GPM6A: variants seen among roughly 807,000 people sequenced by gnomAD.
The protein encoded by GPM6A is glycoprotein M6A.
Under a neutral mutation model 32.1 loss-of-function variants are expected in GPM6A, and 7 were observed. The ratio of observed to expected loss-of-function variants is 0.22; its 90% CI spans 0.12 to 0.41. The LOEUF is 0.41. Ranked by LOEUF, GPM6A falls within the 10% of genes least tolerant of loss-of-function variation. GPM6A has a pLI of 1.00. For missense variants in GPM6A, 235 were observed against 347.2 expected (o/e 0.68, Z 2.57); for synonymous variants, 130 against 123.4 (o/e 1.05, Z -0.35).
chr4:175,992,113 A>G (rs956954228), intron 1 of GPM6A, among the ~76,000 whole-genome samples: 1 of 151,358 alleles, frequency 6.6e-6, no homozygotes, highest in Admixed American at 6.6e-5. Flanking sequence ...TAGCAATCTA[A>G]AAGTTTAGAG....
At chr4:175,716,197 C>T (rs1745832876) in intron 1 of GPM6A, among the ~76,000 whole-genome samples, 1 of 152,184 alleles carries the variant, frequency 6.6e-6, no homozygotes, top group African/African-American at 2.4e-5. Context: ...CAACAACCAA[C>T]TAAGACAGAT....
chr4:175,968,918 T>C (rs1389294052), intron 1 of GPM6A, among the ~76,000 whole-genome samples: 2 of 152,236 alleles, frequency 1.3e-5, no homozygotes, highest in Admixed American at 6.5e-5. Flanking sequence ...TGATTCTAGG[T>C]ATTTACCTAC....
intron 1 of GPM6A, among the ~76,000 whole-genome samples, chr4:175,706,123 CA>C (rs1349629867): frequency 6.6e-6 from 1 of 151,296 alleles, no homozygotes; most frequent in Non-Finnish European, 1.5e-5. Flanking sequence ...AGCATTTGCC[CA>C]AAGATTAGTG....
At chr4:175,763,263 C>T (rs984405638) in intron 1 of GPM6A, among the ~76,000 whole-genome samples, 7 of 152,250 alleles carry the variant, frequency 4.6e-5, no homozygotes, top group Non-Finnish European at 1.0e-4. Context: ...TCACCTGCCT[C>T]GGCCTCCCAA....
At chr4:175,661,278 A>G (rs1028847778) in intron 3 of GPM6A, among the ~76,000 whole-genome samples, 10 of 152,074 alleles carry the variant, frequency 6.6e-5, no homozygotes. Flanking sequence ...TACTAAAAAC[A>G]TAAAAATTAG....
intron 1 of GPM6A, among the ~76,000 whole-genome samples, chr4:175,798,436 C>T (rs1734324170): frequency 6.6e-6 from 1 of 152,132 alleles, no homozygotes; most frequent in Admixed American, 6.6e-5. Flanking sequence ...ATAAATATTT[C>T]CTTTACATAA....
At chr4:175,823,223 A>C (rs1735333267) in intron 1 of GPM6A, among the ~76,000 whole-genome samples, 1 of 152,218 alleles carries the variant, frequency 6.6e-6, no homozygotes, top group South Asian at 2.1e-4. Flanking sequence ...GTCATTCAAT[A>C]CTTGATTAAC....
intron 1 of GPM6A, among the ~76,000 whole-genome samples, chr4:175,904,407 T>C (rs1251906508): frequency 6.6e-6 from 1 of 152,196 alleles, no homozygotes; most frequent in East Asian, 1.9e-4. Flanking sequence ...CAGATACATG[T>C]ACACATGTGT....
intron 2 of GPM6A, among the ~76,000 whole-genome samples, chr4:175,697,443 C>T (rs956715361): frequency 1.5e-4 from 23 of 152,096 alleles, no homozygotes; most frequent in Admixed American, 4.6e-4. Flanking sequence ...TAGCAGAAAG[C>T]GGCAGAGCTG....
rs199521145 is a variant in GPM6A, at chr4:175,853,876, A to G, written c.-22-41627T>C. Among the ~76,000 whole-genome samples, 5 of 152,186 alleles carry G rather than the reference A, an allele frequency of 3.3e-5. No homozygotes were observed. In the East Asian group the frequency reaches 9.6e-4, roughly 29 times the overall value. Reference sequence around the variant, plus strand: ...ACACTCTTAACTATTTCACTATCAAAGAGTATTTATACAATATGTTTTATA... The same window carrying G: ...ACACTCTTAACTATTTCACTATCAAGGAGTATTTATACAATATGTTTTATA... On this transcript the variant is annotated intron_variant, in intron 1 of 7. Coordinates refer to the GPM6A transcript ENST00000280187.
intron 1 of GPM6A, chr4:175,962,020 T>C: frequency 3.3e-6 from 2 of 606,158 alleles, no homozygotes; most frequent in African/African-American, 1.8e-5. Context: ...ACTGAAAATG[T>C]TCACGTCTCA....
chr4:175,796,654 C>T (rs1189854540), intron 1 of GPM6A, among the ~76,000 whole-genome samples: 3 of 152,136 alleles, frequency 2.0e-5, no homozygotes, highest in Non-Finnish European at 4.4e-5. Context: ...TGATTGCATT[C>T]ACAATACTTT....
chr4:175,645,748 T>G (rs978551319), intron 4 of GPM6A, among the ~76,000 whole-genome samples: 5 of 151,930 alleles, frequency 3.3e-5, no homozygotes, highest in Non-Finnish European at 4.4e-5. Flanking sequence ...ACAAAAATTG[T>G]AAATGAGAGT....
chr4:175,857,789 G>GTT (rs1213532873), intron 1 of GPM6A, among the ~76,000 whole-genome samples: 1 of 151,924 alleles, frequency 6.6e-6, no homozygotes, highest in Non-Finnish European at 1.5e-5. Context: ...AAGACTGATT[G>GTT]TTTTCCACCT....
At chr4:175,850,645 A>G (rs1248786015) in intron 1 of GPM6A, among the ~76,000 whole-genome samples, 1 of 152,058 alleles carries the variant, frequency 6.6e-6, no homozygotes, top group Admixed American at 6.6e-5. Context: ...TCTCAGGTGG[A>G]ATTTTCTTAG....
At chr4:175,845,318 C>G (rs1244521524) in intron 1 of GPM6A, among the ~76,000 whole-genome samples, 1 of 152,014 alleles carries the variant, frequency 6.6e-6, no homozygotes, top group East Asian at 1.9e-4. Flanking sequence ...TGGTGTGACC[C>G]ACGTTATTAA....
At chr4:175,758,347 A>G (rs554940241) in intron 1 of GPM6A, among the ~76,000 whole-genome samples, 2 of 152,330 alleles carry the variant, frequency 1.3e-5, no homozygotes, top group South Asian at 2.1e-4. Context: ...CTTTCTCAAC[A>G]GTAGCATTTT....
At chr4:175,637,540 ATATAT>A (rs1213425617) in intron 6 of GPM6A, among the ~76,000 whole-genome samples, 1 of 8,218 alleles carries the variant, frequency 1.2e-4, no homozygotes, top group African/African-American at 3.6e-4. Context: ...AAAATATACA[ATATAT>A]TATATATTAT....
chr4:175,656,574 A>G (rs962704893), intron 3 of GPM6A, among the ~76,000 whole-genome samples: 4 of 152,188 alleles, frequency 2.6e-5, no homozygotes, highest in Non-Finnish European at 4.4e-5. Flanking sequence ...CAGAACTACA[A>G]GAGGCAAGGT....
Sources: gnomAD v4.1 joint callset for allele counts (sites outside exome capture counted in the v4.1 genomes callset) on GRCh38, gnomAD v4.1.1 for gene constraint, MANE v1.5 for transcripts, NCBI Gene and HGNC (gene_info 2026-07-23, HGNC 2026-07-21) for gene names.